Variants in ATAD3A observed in about 807,000 individuals in gnomAD.
ATAD3A encodes ATPase family AAA domain-containing protein 3A.
In ATAD3A, 46 loss-of-function variants were observed where a neutral mutation model predicts 73.8. The observed-to-expected ratio is 0.62, with a 90% confidence interval of 0.49 to 0.80. The LOEUF (loss-of-function observed/expected upper bound fraction) is 0.80. ATAD3A is among the 30% of genes least tolerant of loss of function. The pLI is 0.00. For synonymous variants in ATAD3A, 319 were observed against 350.0 expected (o/e 0.91, Z 0.99); for missense variants, 705 against 838.0 (o/e 0.84, Z 1.96).
At chr1:1,533,554 C>G (rs1054439156) in intron 15 of ATAD3A, among the ~76,000 whole-genome samples, 2 of 152,170 alleles carry the variant, frequency 1.3e-5, no homozygotes, top group South Asian at 2.1e-4. Context: ...GTCTGAGGGT[C>G]TGAGGTGCAC....
Position 1,523,059 on chromosome 1 carries a change from C to A in ATAD3A, c.906+160C>A, listed in dbSNP as rs1397801248. ...GTGGGTTTTCCTGTCTGGCGCTGTACCTTAGGGGTCTGCATCAGTGAGACC... is the reference window on the plus strand; with the variant it reads ...GTGGGTTTTCCTGTCTGGCGCTGTAACTTAGGGGTCTGCATCAGTGAGACC... On this transcript the variant is annotated intron_variant, in intron 8 of 15. Transcript: ENST00000378756. This position sits in a 1 kb window ranked among gnomAD's most constrained non-coding sequence, Gnocchi z 5.1. Among the ~76,000 whole-genome samples, 3 of 151,814 alleles carry A rather than the reference C, an allele frequency of 2.0e-5. No individual in the cohort carries two copies. In the East Asian group the frequency reaches 5.8e-4, roughly 29 times the overall value.
Position 1,529,268 on chromosome 1 carries a change from G to A in ATAD3A, c.1551G>A (p.Glu517=), listed in dbSNP as rs779529485. ...TTGACTACGGGAGGAAGTGCTCGGA[G>A]GTCGCTCGGCTGACGGAGGGCATGT... ...AQFDYGRKCS[E]VARLTEGMSG... is the part of the protein sequence containing the mutation. Residue 517 remains glutamate, a synonymous_variant, in exon 15 of 16, where the codon GAG becomes GAA. Coordinates refer to ENST00000378756, the MANE Select transcript of ATAD3A (RefSeq NM_001170535.3). The A allele has an allele frequency of 1.9e-6, 3 of 1,608,338 alleles. 1 individual carries two copies. In the South Asian group the frequency reaches 3.3e-5, roughly 18 times the overall value.
At position 1,522,889 on chromosome 1, in the gene ATAD3A, A is replaced by C; in HGVS notation, c.896A>C (p.His299Pro). ...ATCACGGTGCTTGAGGCGCTGCGGCACCCCATCCAGGTAGCAGCGCAGGCC... is the reference window on the plus strand; with the variant it reads ...ATCACGGTGCTTGAGGCGCTGCGGCCCCCCATCCAGGTAGCAGCGCAGGCC... Reference protein sequence around the residue: ...SRITVLEALRHPIQVSRRLLS... With the variant: ...SRITVLEALRPPIQVSRRLLS... Residue 299 changes from histidine (H) to proline (P), a missense_variant, in exon 8 of 16, where the codon CAC becomes CCC. Physicochemically the swap from His to Pro is moderately conservative, Grantham distance 77. Transcript: ENST00000378756. 1 of 1,608,032 alleles carries C rather than the reference A, an allele frequency of 6.2e-7. No homozygotes were observed. Among genetic ancestry groups the C allele is most frequent in the Admixed American group, 1.7e-5 (1 of 59,642 alleles).
At chr1:1,519,126 G>C (rs1465033922) in intron 5 of ATAD3A, 136 bp downstream of exon 5, 15 of 1,549,124 alleles carry the variant, frequency 9.7e-6, no homozygotes, top group African/African-American at 1.4e-5. Context: ...CTGGGGCTCC[G>C]CGGGGTGGGG....
At position 1,534,141 on chromosome 1, in the gene ATAD3A, C is replaced by T. The variant is rs1372994250; in HGVS notation, c.*69C>T. On this transcript the variant is annotated 3_prime_UTR_variant, in exon 16 of 16. Coordinates refer to ENST00000378756, the MANE Select transcript of ATAD3A (RefSeq NM_001170535.3). ...CCTCCCACCCCTGCCTTGCCGGCCC[C>T]TGCACATTTAGGATATGCTCCTGGG... is the stretch of plus-strand genomic sequence containing the variant. 1.1e-5 allele frequency: 17 copies of T among 1,607,346 alleles called. No individual in the cohort carries two copies. Among genetic ancestry groups the T allele is most frequent in the East Asian group, 2.3e-5 (1 of 43,934 alleles).
chr1:1,515,566 C>T (rs929496229), intron 1 of ATAD3A, among the ~76,000 whole-genome samples: 6 of 152,190 alleles, frequency 3.9e-5, no homozygotes, highest in African/African-American at 1.2e-4. Flanking sequence ...TTGTCCTCGT[C>T]ACCCTGAGCT....
rs746218239 is a variant in ATAD3A, at chr1:1,520,215, G to T, written c.589G>T (p.Ala197Ser). ...LRVEAEARAR[A>S]KAERENADII... ...AGTGGAGGCCGAGGCCCGGGCGCGCGCCAAGGCCGAGCGGGAGAATGCAGA... is the reference window on the plus strand; with the variant it reads ...AGTGGAGGCCGAGGCCCGGGCGCGCTCCAAGGCCGAGCGGGAGAATGCAGA... Residue 197 changes from alanine to serine, a missense_variant, in exon 6 of 16, where the codon GCC becomes TCC. By Grantham distance (99) the Ala-to-Ser change is moderately conservative (BLOSUM62 1). Around this residue, in one of 5 missense-constraint regions of ATAD3A, gnomAD observed 315 missense variants for 334.1 expected, o/e 0.94. Transcript: ENST00000378756. The surrounding 1 kb of genome is among the most constrained non-coding windows in gnomAD (Gnocchi z 4.0). 2 of 1,612,182 alleles carry T rather than the reference G, an allele frequency of 1.2e-6. No individual in the cohort carries two copies. The highest frequency in any genetic ancestry group is 1.8e-4 in the Middle Eastern group (1 of 5,576).
Position 1,525,311 on chromosome 1 carries a change from T to C in ATAD3A, c.1266+20T>C, listed in dbSNP as rs199750124. 53 of 1,606,936 alleles carry C rather than the reference T, an allele frequency of 3.3e-5. No individual in the cohort carries two copies. In the East Asian group the frequency reaches 1.2e-3, roughly 36 times the overall value. ...GCCACCGTGAGTGTCACTAAGCCTC[T>C]GGCCACAATGGGGTGGTGGGGTGGG... On this transcript the variant is annotated intron_variant, in intron 12 of 15. Coordinates refer to ENST00000378756, the MANE Select transcript of ATAD3A (RefSeq NM_001170535.3).
chr1:1,530,611 C>T (rs1290643756), intron 15 of ATAD3A, among the ~76,000 whole-genome samples: 2 of 118,974 alleles, frequency 1.7e-5, no homozygotes, highest in Non-Finnish European at 3.0e-5. Flanking sequence ...GGGCGGATCA[C>T]GAGGTCAGGA....
At chr1:1,519,122 C>A in intron 5 of ATAD3A, 132 bp downstream of exon 5, 2 of 1,558,724 alleles carry the variant, frequency 1.3e-6, no homozygotes, top group Non-Finnish European at 1.7e-6. Context: ...CCTGCTGGGG[C>A]TCCGCGGGGT....
rs562732855 is a variant in ATAD3A at position 1,526,580 on chromosome 1, G to C, written c.1337+49G>C. On this transcript the variant is annotated intron_variant, in intron 13 of 15. Transcript: ENST00000378756. ...GGCCCCCGGGCAGGGCTGTGCAGCCGTCGCCCTTGGTTCCCACCGAGGGAC... is the reference window on the plus strand; with the variant it reads ...GGCCCCCGGGCAGGGCTGTGCAGCCCTCGCCCTTGGTTCCCACCGAGGGAC... 6 of 1,611,124 alleles carry C rather than the reference G, an allele frequency of 3.7e-6. No individual in the cohort carries two copies. In the Admixed American group the frequency reaches 8.4e-5, roughly 22 times the overall value.
At chr1:1,533,319 T>C (rs1642098875) in intron 15 of ATAD3A, among the ~76,000 whole-genome samples, 1 of 152,184 alleles carries the variant, frequency 6.6e-6, no homozygotes, top group Non-Finnish European at 1.5e-5. Flanking sequence ...TTCGCTGGCA[T>C]TGGGATGGAG....
chr1:1,522,674 C>G, intron 7 of ATAD3A, 70 bp from the exon 8 acceptor site: 2 of 1,594,268 alleles, frequency 1.3e-6, no homozygotes, highest in East Asian at 2.2e-5. Context: ...GGGGGCAGCC[C>G]CGTGCGTCTC....
Position 1,520,703 on chromosome 1 carries a change from G to C in ATAD3A, c.750+86G>C. 6.2e-7 allele frequency: 1 copy of C among 1,602,126 alleles called. No individual in the cohort carries two copies. The highest frequency in any genetic ancestry group is 8.5e-7 in the Non-Finnish European group (1 of 1,171,542). On this transcript the variant is annotated intron_variant, in intron 7 of 15. Transcript: ENST00000378756. This position sits in a 1 kb window ranked among gnomAD's most constrained non-coding sequence, Gnocchi z 4.0. ...TGGAGCCCCAGGTCCTGTCCCTGCCGGCTCTGCACAGCCCTGTAGCTCTCC... is the reference window on the plus strand; with the variant it reads ...TGGAGCCCCAGGTCCTGTCCCTGCCCGCTCTGCACAGCCCTGTAGCTCTCC...
At position 1,532,746 on chromosome 1, in the gene ATAD3A, G is replaced by A. The variant is rs188779142; in HGVS notation, c.1615-1180G>A. Among the ~76,000 whole-genome samples, 127 of 152,270 alleles carry A rather than the reference G, an allele frequency of 8.3e-4. 1 individual carries two copies. Among genetic ancestry groups the A allele is most frequent in the Admixed American group, 4.2e-3 (64 of 15,298 alleles). ...CACCTGTTTGCCCTCTCTTGGGTGC[G>A]CTCAAGACCAAAAATGATGTTGAGC... On this transcript the variant is annotated intron_variant, in intron 15 of 15. Transcript: ENST00000378756.
intron 15 of ATAD3A, among the ~76,000 whole-genome samples, chr1:1,533,384 A>G (rs1642100819): frequency 6.6e-6 from 1 of 152,220 alleles, no homozygotes; most frequent in African/African-American, 2.4e-5. Flanking sequence ...AGCCACACCA[A>G]GGGCCACAGC....
intron 15 of ATAD3A, 148 bp downstream of exon 15, chr1:1,529,479 C>T: frequency 1.4e-6 from 2 of 1,447,720 alleles, no homozygotes; most frequent in Non-Finnish European, 1.8e-6. Flanking sequence ...GGGCCCCCTG[C>T]CCCAGTCAGG....
rs368473476 is a variant in ATAD3A at position 1,516,101 on chromosome 1, G to C, written c.282+13G>C. 192 of 1,612,976 alleles carry C rather than the reference G, an allele frequency of 1.2e-4. 4 individuals are homozygous for C. In the East Asian group the frequency reaches 4.3e-3, roughly 36 times the overall value. ...GTCCAAGCTCAAAGTGAGTGGGGCC[G>C]GTGTGGGTGGGGAGGCCGGGGCGCA... On this transcript the variant is annotated intron_variant, in intron 2 of 15. Transcript: ENST00000378756.
chr1:1,515,991 T>G, intron 1 of ATAD3A, 21 bp from the exon 2 acceptor site: 1 of 1,613,810 alleles, frequency 6.2e-7, no homozygotes, highest in South Asian at 1.1e-5. Flanking sequence ...ACACCTGCCC[T>G]CCGTGTCCTT....
Sources: gnomAD v4.1 joint callset for allele counts (sites outside exome capture counted in the v4.1 genomes callset) on GRCh38, gnomAD v4.1.1 for gene constraint, gnomAD v4.1.1 regional missense constraint, Gnocchi (gnomAD v3.1) non-coding constraint, MANE v1.5 for transcripts, NCBI Gene and HGNC (gene_info 2026-07-23, HGNC 2026-07-21) for gene names.